The following ZBTB1 variants were observed in gnomAD, a reference collection of about 807,000 sequenced individuals.
ZBTB1 encodes the protein zinc finger and BTB domain containing 1, also known as zinc finger and BTB domain-containing protein 1.
In ZBTB1, 13 loss-of-function variants were observed where a neutral mutation model predicts 51.6. The observed-to-expected ratio is 0.25, with a 90% confidence interval of 0.16 to 0.40. The LOEUF (loss-of-function observed/expected upper bound fraction) is 0.40, where lower values mean the gene tolerates loss of function less well. ZBTB1 is among the 10% of genes least tolerant of loss of function. The probability of loss-of-function intolerance (pLI) is 1.00; values close to 1 mark genes in which losing one functional copy is unlikely to be tolerated. For synonymous variants in ZBTB1, 240 were observed against 282.2 expected, an observed-to-expected ratio of 0.85 and a Z score of 1.50; for missense variants, 567 against 856.5, an observed-to-expected ratio of 0.66 and a Z score of 4.22.
At chr14:64,517,777 ATATATTTT>A (rs2079805598) in intron 1 of ZBTB1, among the ~76,000 whole-genome samples, 2 of 43,030 alleles carry the variant, frequency 4.6e-5, no homozygotes, top group African/African-American at 1.7e-4. Context: ...ATATATATAT[ATATATTTT>A]TTTTTTTTTT....
chr14:64,521,862 G>T lies in ZBTB1; in HGVS notation c.358G>T (p.Asp120Tyr). ...CTGTTTAGAAGACATCCAGGATGCA[G>T]ATTGTTCTAGTTCAAAATGTTCCTC... ...PDCLEDIQDA[D>Y]CSSSKCSSSA... is the part of the protein sequence containing the mutation. The change falls in exon 2 of 2, where the codon GAT (aspartate) becomes TAT (tyrosine). Residue 120 changes from aspartate (D) to tyrosine (Y), a missense_variant. Coordinates refer to ENST00000683701, the MANE Select transcript of ZBTB1 (RefSeq NM_001123329.2). The T allele has an allele frequency of 6.2e-7, 1 of 1,613,122 alleles. No individual in the cohort carries two copies. Among genetic ancestry groups the T allele is most frequent in the Non-Finnish European group, 8.5e-7 (1 of 1,180,050 alleles).
chr14:64,507,926 T>TG (rs1394804532), intron 1 of ZBTB1, among the ~76,000 whole-genome samples: 2 of 152,100 alleles, frequency 1.3e-5, no homozygotes, highest in Non-Finnish European at 2.9e-5. Context: ...TGATATGGGA[T>TG]GGGGTTCCTC....
At chr14:64,508,228 A>G (rs549591722) in intron 1 of ZBTB1, among the ~76,000 whole-genome samples, 27 of 152,356 alleles carry the variant, frequency 1.8e-4, no homozygotes, top group African/African-American at 6.3e-4. Context: ...TGAATTTAAA[A>G]TAGTTTTCAA....
rs1449637931 is a variant in ZBTB1, at chr14:64,521,822, A to G, written c.318A>G (p.Leu106=). Residue 106 remains leucine, a synonymous_variant, in exon 2 of 2, where the codon CTA becomes CTG. Coordinates refer to ENST00000683701, the MANE Select transcript of ZBTB1 (RefSeq NM_001123329.2). Reference sequence around the variant, plus strand: ...AAGTGGCAATGAACTACCTACAGCTATACAATGTTCCTGACTGTTTAGAAG... The same window carrying G: ...AAGTGGCAATGAACTACCTACAGCTGTACAATGTTCCTGACTGTTTAGAAG... ...QFKVAMNYLQ[L]YNVPDCLEDI... 2 of 1,611,710 alleles carry G rather than the reference A, an allele frequency of 1.2e-6. No individual in the cohort carries two copies. Among genetic ancestry groups the G allele is most frequent in the East Asian group, 2.2e-5 (1 of 44,904 alleles).
chr14:64,521,204 A>G (rs1195135603), intron 1 of ZBTB1, among the ~76,000 whole-genome samples: 1 of 152,142 alleles, frequency 6.6e-6, no homozygotes, highest in East Asian at 1.9e-4. Context: ...TTTCTGTTCA[A>G]ATTTAGTGTA....
At chr14:64,532,461 G>C (rs1219617828) in exon 3 of ZBTB1, 2 of 152,138 alleles carry the variant, frequency 1.3e-5, no homozygotes, top group Non-Finnish European at 2.9e-5. Context: ...AGGATAATTT[G>C]GTTATTACTC....
intron 1 of ZBTB1, chr14:64,505,175 C>T (rs929999699): frequency 7.8e-5 from 26 of 331,820 alleles, no homozygotes; most frequent in Non-Finnish European, 1.3e-4. Flanking sequence ...GGAGGCGAAG[C>T]CCCTACGGAG....
rs763199349 is a variant in ZBTB1 at position 64,522,038 on chromosome 14, G to C, written c.534G>C (p.Glu178Asp). The change falls in exon 2 of 2, where the codon GAG (glutamate) becomes GAC (aspartate). Residue 178 changes from glutamate (E) to aspartate (D), a missense_variant. This residue lies in a region of ZBTB1 where 74 missense variants were observed against 74.9 expected (regional missense o/e 0.99). Coordinates refer to ENST00000683701, the MANE Select transcript of ZBTB1 (RefSeq NM_001123329.2). ...CACATAATAGAGAGGCTGATGAAGA[G>C]TCTTTACAATTAGGTAATTTTCCTG... ...NTPHNREADE[E>D]SLQLGNFPEP... 2 of 1,614,208 alleles carry C rather than the reference G, an allele frequency of 1.2e-6. No individual in the cohort carries two copies. Among genetic ancestry groups the C allele is most frequent in the Admixed American group, 3.3e-5 (2 of 60,034 alleles).
chr14:64,529,330 T>C (rs374222093), downstream of ZBTB1, among the ~76,000 whole-genome samples: 132 of 152,288 alleles, frequency 8.7e-4, 1 homozygote, highest in South Asian at 0.025. Context: ...TTTTAATCTC[T>C]CCCGCCAATC....
rs1014048003 is a variant in ZBTB1, at chr14:64,520,168, AT to A, written c.-18-1311del. On this transcript the variant is annotated intron_variant, in intron 1 of 1. Transcript: ENST00000683701. ...AGGCGCCCACCACCACGCCTGGCTA[AT>A]TTTTTTTGTATTTTTAGTAGAGACA... 1.3e-4 allele frequency among the ~76,000 whole-genome samples: 19 copies of A among 151,728 alleles called. 1 individual carries two copies. The South Asian group carries it at 3.8e-3, about 30-fold the overall frequency.
At chr14:64,509,173 C>T (rs2079696843) in intron 1 of ZBTB1, among the ~76,000 whole-genome samples, 1 of 152,138 alleles carries the variant, frequency 6.6e-6, no homozygotes, top group African/African-American at 2.4e-5. Flanking sequence ...AGTTTGAGAC[C>T]AGCCTGGCCA....
downstream of ZBTB1, among the ~76,000 whole-genome samples, chr14:64,528,203 G>A (rs1042760746): frequency 5.9e-5 from 9 of 151,934 alleles, no homozygotes; most frequent in East Asian, 1.9e-4. Context: ...AACTTGTGTC[G>A]TTGTTAACAA....
At chr14:64,505,413 G>T (rs1329298999) in intron 1 of ZBTB1, among the ~76,000 whole-genome samples, 1 of 152,190 alleles carries the variant, frequency 6.6e-6, no homozygotes, top group Non-Finnish European at 1.5e-5. Context: ...CGTAAGATCC[G>T]TGCAAATTCT....
At chr14:64,533,605 G>A (rs1488266968) in exon 3 of ZBTB1, 2 of 152,312 alleles carry the variant, frequency 1.3e-5, no homozygotes, top group African/African-American at 4.8e-5. Context: ...AGTATAAAAT[G>A]GAATTATTGG....
intron 1 of ZBTB1, chr14:64,511,314 C>T (rs1486292168): frequency 3.4e-5 from 5 of 149,150 alleles, no homozygotes; most frequent in African/African-American, 1.2e-4. Flanking sequence ...ATGTACTTTT[C>T]CTCCTCTGCT....
At chr14:64,533,555 T>G (rs1343380316) in exon 3 of ZBTB1, 1 of 152,558 alleles carries the variant, frequency 6.6e-6, no homozygotes, top group African/African-American at 2.4e-5. Flanking sequence ...ATGGTATAAA[T>G]GCATTCTACA....
At chr14:64,515,548 T>C (rs1363349162) in intron 1 of ZBTB1, among the ~76,000 whole-genome samples, 1 of 143,734 alleles carries the variant, frequency 7.0e-6, no homozygotes, top group Admixed American at 7.2e-5. Flanking sequence ...TGAGATGGAG[T>C]CTTGCTCTGT....
exon 3 of ZBTB1, chr14:64,532,050 C>A: frequency 1.2e-6 from 1 of 807,550 alleles, no homozygotes; most frequent in Non-Finnish European, 1.9e-6. Flanking sequence ...TTGCAAAGAT[C>A]CAAGAAAACT....
chr14:64,506,436 G>A (rs2140071838), intron 1 of ZBTB1, among the ~76,000 whole-genome samples: 1 of 152,320 alleles, frequency 6.6e-6, no homozygotes, highest in Non-Finnish European at 1.5e-5. Context: ...AGGAGGCTGA[G>A]GCAGGAGAAT....
Sources: allele counts gnomAD v4.1 joint callset (sites outside exome capture counted in the v4.1 genomes callset), GRCh38; gene constraint gnomAD v4.1.1; regional missense constraint gnomAD v4.1.1; transcripts MANE v1.5; gene names NCBI Gene and HGNC (gene_info 2026-07-23, HGNC 2026-07-21).